The following HS3ST4 variants were observed in gnomAD, a reference collection of about 807,000 sequenced individuals.
HS3ST4 encodes the protein heparan sulfate glucosamine 3-O-sulfotransferase 4.
Under a neutral mutation model 29.2 loss-of-function variants are expected in HS3ST4, and 17 were observed. The ratio of observed to expected loss-of-function variants is 0.58; its 90% confidence interval spans 0.40 to 0.87. The LOEUF (loss-of-function observed/expected upper bound fraction) is 0.87, where lower values mean the gene tolerates loss of function less well. HS3ST4 is among the 40% of genes least tolerant of loss of function. The pLI, the probability that HS3ST4 is intolerant of heterozygous loss-of-function variation, is 0.00. For missense variants in HS3ST4, 627 were observed against 634.5 expected (o/e 0.99, Z 0.13); for synonymous variants, 314 against 285.7 (o/e 1.10, Z -1.00).
At chr16:25,925,758 A>G (rs1968395894) in intron 1 of HS3ST4, among the ~76,000 whole-genome samples, 1 of 152,172 alleles carries the variant, frequency 6.6e-6, no homozygotes, top group Non-Finnish European at 1.5e-5. Context: ...AGAATCTAAT[A>G]GCAGAGGGCC....
chr16:25,898,349 G>A (rs1046169318), intron 1 of HS3ST4, among the ~76,000 whole-genome samples: 2 of 152,186 alleles, frequency 1.3e-5, no homozygotes, highest in Non-Finnish European at 1.5e-5. Context: ...TTTATTAACA[G>A]CAAGTCTTTG....
intron 1 of HS3ST4, among the ~76,000 whole-genome samples, chr16:26,053,569 G>A (rs889491701): frequency 6.6e-6 from 1 of 152,144 alleles, no homozygotes; most frequent in African/African-American, 2.4e-5. Flanking sequence ...GTGTGGTTCT[G>A]ATCATCTGGG....
intron 1 of HS3ST4, among the ~76,000 whole-genome samples, chr16:25,993,957 TG>T (rs1969136167): frequency 2.1e-5 from 1 of 47,068 alleles, no homozygotes; most frequent in African/African-American, 6.0e-5. Context: ...CTCGTGTGTG[TG>T]TGTGTGTGTG....
At chr16:26,094,237 A>C (rs1898895571) in intron 1 of HS3ST4, among the ~76,000 whole-genome samples, 1 of 152,210 alleles carries the variant, frequency 6.6e-6, no homozygotes, top group Admixed American at 6.5e-5. Flanking sequence ...AGGCAGGCCA[A>C]CATTCAAATT....
At chr16:26,018,158 T>G (rs185031248) in intron 1 of HS3ST4, among the ~76,000 whole-genome samples, 38 of 152,336 alleles carry the variant, frequency 2.5e-4, no homozygotes, top group Non-Finnish European at 5.6e-4. Context: ...ACTGCCTTTT[T>G]ATCTCTGTGT....
Position 25,692,296 on chromosome 16 carries a change from C to T in HS3ST4, c.-122C>T. On this transcript the variant is annotated 5_prime_UTR_variant, in exon 1 of 2. Coordinates refer to ENST00000331351, the MANE Select transcript of HS3ST4 (RefSeq NM_006040.3). The stretch of plus-strand genomic sequence containing the variant: ...GCGGCGTCGCTTCATGCAGCCGGGG[C>T]GGCTGGGCAGCGGCGGCGGCGGCGG... 2 of 142,630 alleles carry T rather than the reference C, an allele frequency of 1.4e-5. No homozygotes were observed. The highest frequency in any genetic ancestry group is 2.8e-5 in the Non-Finnish European group (2 of 71,866). 8.8% of individuals were successfully genotyped at this position (142,630 alleles called of 1,614,324 possible).
At chr16:26,083,097 G>A (rs1347802128) in intron 1 of HS3ST4, among the ~76,000 whole-genome samples, 3 of 152,146 alleles carry the variant, frequency 2.0e-5, no homozygotes, top group Admixed American at 6.5e-5. Flanking sequence ...GCTCTCCCTC[G>A]TCTGCTTCTG....
At chr16:25,707,901 C>A (rs940285574) in intron 1 of HS3ST4, among the ~76,000 whole-genome samples, 1 of 152,278 alleles carries the variant, frequency 6.6e-6, no homozygotes, top group Middle Eastern at 3.4e-3. Context: ...GTGGCTTTTT[C>A]TTGTACCACC....
chr16:26,014,654 T>C (rs1452897457), intron 1 of HS3ST4, among the ~76,000 whole-genome samples: 5 of 152,222 alleles, frequency 3.3e-5, no homozygotes, highest in African/African-American at 4.8e-5. Context: ...TCCATCCATG[T>C]GGCTGTAAAG....
intron 1 of HS3ST4, among the ~76,000 whole-genome samples, chr16:26,028,200 G>A (rs1216139842): frequency 6.9e-6 from 1 of 145,628 alleles, no homozygotes; most frequent in Non-Finnish European, 1.5e-5. Context: ...TTGAACGTGG[G>A]AAGCAGAGGT....
intron 1 of HS3ST4, among the ~76,000 whole-genome samples, chr16:25,924,926 G>A (rs1596615816): frequency 6.6e-6 from 1 of 151,928 alleles, no homozygotes; most frequent in Non-Finnish European, 1.5e-5. Flanking sequence ...ACTCCATTAG[G>A]GTGCTTTGAT....
chr16:25,797,155 G>A (rs913157173), intron 1 of HS3ST4, among the ~76,000 whole-genome samples: 16 of 152,188 alleles, frequency 1.1e-4, no homozygotes, highest in African/African-American at 3.9e-4. Context: ...TCACAGTGAA[G>A]AAATGCCATT....
At chr16:26,021,759 G>A (rs990480127) in intron 1 of HS3ST4, among the ~76,000 whole-genome samples, 1 of 152,062 alleles carries the variant, frequency 6.6e-6, no homozygotes, top group Non-Finnish European at 1.5e-5. Context: ...CGCCTCCTGA[G>A]TTCAAGTGAT....
intron 1 of HS3ST4, among the ~76,000 whole-genome samples, chr16:25,711,412 G>A (rs1262385560): frequency 1.3e-5 from 2 of 152,052 alleles, no homozygotes; most frequent in Admixed American, 6.5e-5. Flanking sequence ...CTATTTCAAG[G>A]CAGCATGAAG....
chr16:26,110,939 A>C lies in HS3ST4; in HGVS notation c.735-24673A>C, dbSNP rs143407554. Reference sequence around the variant, plus strand: ...TCTTTTTAGAACAGGTTTTCCCTAGAGAGCCATGTAGTTTGTCCCTTTACT... The same window carrying C: ...TCTTTTTAGAACAGGTTTTCCCTAGCGAGCCATGTAGTTTGTCCCTTTACT... On this transcript the variant is annotated intron_variant, in intron 1 of 1. Coordinates refer to ENST00000331351, the MANE Select transcript of HS3ST4 (RefSeq NM_006040.3). 5.0e-3 allele frequency among the ~76,000 whole-genome samples: 766 copies of C among 152,268 alleles called. 10 individuals are homozygous for C. The highest frequency in any genetic ancestry group is 0.018 in the African/African-American group (731 of 41,556).
chr16:25,942,070 G>T (rs1394074394), intron 1 of HS3ST4, among the ~76,000 whole-genome samples: 1 of 152,156 alleles, frequency 6.6e-6, no homozygotes, highest in African/African-American at 2.4e-5. Context: ...GGGGTTGAAA[G>T]AATTTGGGGG....
At chr16:25,734,029 A>G (rs532872669) in intron 1 of HS3ST4, among the ~76,000 whole-genome samples, 12 of 152,352 alleles carry the variant, frequency 7.9e-5, no homozygotes, top group African/African-American at 1.4e-4. Context: ...AGGCAGAAGA[A>G]TCGCTTGAAC....
rs1966262973 is a variant in HS3ST4, at chr16:25,692,691, G to A, written c.274G>A (p.Gly92Ser). Residue 92 changes from glycine (G) to serine (S), a missense_variant, in exon 1 of 2, where the codon GGC becomes AGC. By Grantham distance (56) the Gly-to-Ser change is moderately conservative. Around this residue, in one of 2 missense-constraint regions of HS3ST4, gnomAD observed 402 missense variants for 340.8 expected, o/e 1.18. Coordinates refer to ENST00000331351, the MANE Select transcript of HS3ST4 (RefSeq NM_006040.3). ...PSLLPTPVRLGAPSQPPAPPP... is the reference protein window; with the variant it reads ...PSLLPTPVRLSAPSQPPAPPP... ...TCTGCTGCCTACCCCCGTGCGCCTC[G>A]GCGCCCCCTCGCAGCCGCCCGCGCC... 2.4e-6 allele frequency: 3 copies of A among 1,230,692 alleles called. No homozygotes were observed. Among genetic ancestry groups the A allele is most frequent in the African/African-American group, 3.2e-5 (2 of 62,338 alleles). The allele number at this position is 1,230,692 out of a possible 1,614,324, so 76.2% of individuals were successfully genotyped here.
chr16:26,038,041 C>A (rs1969599604), intron 1 of HS3ST4, among the ~76,000 whole-genome samples: 2 of 152,180 alleles, frequency 1.3e-5, no homozygotes, highest in South Asian at 2.1e-4. Flanking sequence ...TTTCCCAAAA[C>A]CTTACATGAT....
Sources: gnomAD v4.1 joint callset for allele counts (sites outside exome capture counted in the v4.1 genomes callset) on GRCh38, gnomAD v4.1.1 for gene constraint, gnomAD v4.1.1 regional missense constraint, MANE v1.5 for transcripts, NCBI Gene and HGNC (gene_info 2026-07-23, HGNC 2026-07-21) for gene names.